DIP2C: variants seen among roughly 807,000 people sequenced by gnomAD.
The protein encoded by DIP2C is disco-interacting protein 2 homolog C.
DIP2C carries 33 observed loss-of-function variants against 192.4 expected under a neutral mutation model. That is an observed-to-expected ratio of 0.17 (90% CI 0.13 to 0.23). DIP2C has a LOEUF of 0.23. DIP2C is among the 10% of genes least tolerant of loss of function. The probability of loss-of-function intolerance (pLI) is 1.00; values close to 1 mark genes in which losing one functional copy is unlikely to be tolerated. For synonymous variants in DIP2C, 979 were observed against 864.1 expected (o/e 1.13, Z -2.33); for missense variants, 1,537 against 2,110.1 (o/e 0.73, Z 5.32).
Position 369,869 on chromosome 10 carries a change from G to A in DIP2C, c.1992-236C>T, listed in dbSNP as rs982061489. The A allele has an allele frequency of 2.4e-5, 33 of 1,373,620 alleles. No homozygotes were observed. The African/African-American group carries it at 3.2e-4, about 13-fold the overall frequency. 85.1% of individuals were successfully genotyped at this position (1,373,620 alleles called of 1,614,324 possible). On this transcript the variant is annotated intron_variant, in intron 17 of 36. Transcript: ENST00000280886. ...TTCCCAGGGAATCCCAAGAACACCC[G>A]TAAACTACCAACGCAGCTCCTCTCC...
chr10:660,327 T>C (rs577677432), intron 1 of DIP2C, among the ~76,000 whole-genome samples: 325 of 152,082 alleles, frequency 2.1e-3, no homozygotes, highest in African/African-American at 7.5e-3. Flanking sequence ...TTTCAAGCTC[T>C]GTGTATGAAA....
chr10:386,849 G>A (rs904353701), intron 14 of DIP2C, among the ~76,000 whole-genome samples: 1 of 152,170 alleles, frequency 6.6e-6, no homozygotes, highest in Non-Finnish European at 1.5e-5. Flanking sequence ...TGAAACAGAT[G>A]GGGGGAGCGT....
intron 31 of DIP2C, among the ~76,000 whole-genome samples, chr10:314,803 G>A (rs1043252001): frequency 1.1e-4 from 17 of 152,180 alleles, no homozygotes; most frequent in African/African-American, 3.1e-4. Flanking sequence ...TCCCATTCGT[G>A]AGGGCTCCAC....
chr10:394,248 G>A (rs1280053132), intron 10 of DIP2C, among the ~76,000 whole-genome samples: 1 of 151,812 alleles, frequency 6.6e-6, no homozygotes, highest in Admixed American at 6.6e-5. Flanking sequence ...AGGGAAGCCG[G>A]GCCTGTGCTG....
intron 34 of DIP2C, 61 bp from the exon 35 acceptor site, chr10:283,507 T>C (rs1484259526): frequency 6.3e-7 from 1 of 1,576,954 alleles, no homozygotes; most frequent in African/African-American, 1.3e-5. Context: ...GAAATGAGAC[T>C]ACAACTACTT....
In DIP2C at chr10:651,017, G is replaced by T. The variant is rs1224657072; in HGVS notation, c.85+38477C>A. The T allele has an allele frequency of 2.8e-6, 2 of 717,268 alleles. No homozygotes were observed. The highest frequency in any genetic ancestry group is 5.2e-6 in the Non-Finnish European group (2 of 385,086). 44.4% of individuals were successfully genotyped at this position (717,268 alleles called of 1,614,324 possible). A position where few individuals can be genotyped will look rare whatever the true frequency, so the allele number is the denominator to read the frequency against. On this transcript the variant is annotated intron_variant, in intron 1 of 36. Transcript: ENST00000280886. The surrounding 1 kb of genome is among the most constrained non-coding windows in gnomAD (Gnocchi z 4.1). ...TCCCGGTGCCAGGGCTCAGGCCCCA[G>T]CCCCCGTTTCTGCAGAAGCCCCTTT...
At chr10:617,627 C>A (rs1419055498) in intron 1 of DIP2C, among the ~76,000 whole-genome samples, 26 of 152,162 alleles carry the variant, frequency 1.7e-4, no homozygotes. Flanking sequence ...GCAAACCCAG[C>A]CCCACTGTCC....
chr10:428,946 C>G (rs1966763959), intron 4 of DIP2C, among the ~76,000 whole-genome samples: 2 of 152,116 alleles, frequency 1.3e-5, no homozygotes, highest in African/African-American at 4.8e-5. Flanking sequence ...TGATGTCTCA[C>G]TTATCCTTTC....
At chr10:670,292 GCA>G (rs377216088) in intron 1 of DIP2C, among the ~76,000 whole-genome samples, 129 of 152,074 alleles carry the variant, frequency 8.5e-4, no homozygotes, top group Admixed American at 2.4e-3. Flanking sequence ...ACGTACACAT[GCA>G]CACACATACG....
At chr10:612,266 T>C (rs1336800879) in intron 1 of DIP2C, among the ~76,000 whole-genome samples, 3 of 151,310 alleles carry the variant, frequency 2.0e-5, no homozygotes, top group African/African-American at 7.3e-5. Flanking sequence ...CGCTCCAGCC[T>C]GGGCAACACA....
chr10:590,826 A>C (rs1398950360), intron 1 of DIP2C, among the ~76,000 whole-genome samples: 1 of 152,066 alleles, frequency 6.6e-6, no homozygotes, highest in Non-Finnish European at 1.5e-5. Context: ...TAAGGTCTCC[A>C]CCGCACCAGA....
At position 660,797 on chromosome 10, in the gene DIP2C, C is replaced by G. The variant is rs76453872; in HGVS notation, c.85+28697G>C. 2.0e-4 allele frequency among the ~76,000 whole-genome samples: 31 copies of G among 152,250 alleles called. No individual in the cohort carries two copies. The East Asian group carries it at 5.6e-3, about 27-fold the overall frequency. On this transcript the variant is annotated intron_variant, in intron 1 of 36. Coordinates refer to ENST00000280886, the MANE Select transcript of DIP2C (RefSeq NM_014974.3). ...TTCCACAAATACTAAGAATAGCCACCGCAACGGGATCCACTATGAGGTGTC... is the reference window on the plus strand; with the variant it reads ...TTCCACAAATACTAAGAATAGCCACGGCAACGGGATCCACTATGAGGTGTC...
chr10:288,524 T>A, intron 32 of DIP2C, 103 bp from the exon 33 acceptor site: 2 of 1,230,552 alleles, frequency 1.6e-6, no homozygotes, highest in Admixed American at 3.6e-5. Context: ...CCGGGAAAGC[T>A]GATTCTGAGC....
chr10:496,279 T>C lies in DIP2C; in HGVS notation c.86-9749A>G, dbSNP rs61839553. On this transcript the variant is annotated intron_variant, in intron 1 of 36. Coordinates refer to ENST00000280886, the MANE Select transcript of DIP2C (RefSeq NM_014974.3). ...CATGCCCTCCCGTGTACTTAAAATC[T>C]CTACATTACTCTTAATACCCCAAAC... is the stretch of plus-strand genomic sequence containing the variant. 4.3e-3 allele frequency among the ~76,000 whole-genome samples: 620 copies of C among 144,580 alleles called. 16 individuals carry two copies. The highest frequency in any genetic ancestry group is 0.015 in the African/African-American group (554 of 36,834). The allele number at this position is 144,580 out of a possible 152,430, so 94.9% of individuals were successfully genotyped here. A position where few individuals can be genotyped will look rare whatever the true frequency, so the allele number is the denominator to read the frequency against.
chr10:556,203 C>T (rs1301008628), intron 1 of DIP2C, among the ~76,000 whole-genome samples: 1 of 116,048 alleles, frequency 8.6e-6, no homozygotes, highest in East Asian at 2.6e-4. Context: ...CCCACCCACC[C>T]CTCCCACAGC....
At chr10:392,189 G>A (rs571755852) in intron 10 of DIP2C, among the ~76,000 whole-genome samples, 1 of 152,326 alleles carries the variant, frequency 6.6e-6, no homozygotes, top group East Asian at 1.9e-4. Context: ...GACTCTTGAA[G>A]GGACACAGGT....
intron 1 of DIP2C, among the ~76,000 whole-genome samples, chr10:498,079 CA>C (rs1352689856): frequency 2.6e-5 from 4 of 152,300 alleles, no homozygotes; most frequent in African/African-American, 9.6e-5. Flanking sequence ...CTGTGTTGCC[CA>C]GGCTGGCCTC....
intron 9 of DIP2C, among the ~76,000 whole-genome samples, chr10:407,575 C>T (rs145365587): frequency 6.6e-5 from 10 of 152,280 alleles, no homozygotes; most frequent in Admixed American, 1.3e-4. Flanking sequence ...GACTTCCCCA[C>T]ATCCTTGCCA....
chr10:678,333 G>A (rs561553990), intron 1 of DIP2C, among the ~76,000 whole-genome samples: 1 of 152,114 alleles, frequency 6.6e-6, no homozygotes, highest in Non-Finnish European at 1.5e-5. Context: ...ACTAAAAGGG[G>A]CCACCAGGAA....
Sources: allele counts gnomAD v4.1 joint callset (sites outside exome capture counted in the v4.1 genomes callset), GRCh38; gene constraint gnomAD v4.1.1; non-coding constraint Gnocchi (gnomAD v3.1); transcripts MANE v1.5; gene names NCBI Gene and HGNC (gene_info 2026-07-23, HGNC 2026-07-21).